Variants in ZNF587 observed in about 807,000 individuals in gnomAD.
The protein encoded by ZNF587 is zinc finger protein zfp6.
In ZNF587, 8 loss-of-function variants were observed where a neutral mutation model predicts 7.5. The ratio of observed to expected loss-of-function variants is 1.06; its 90% CI spans 0.62 to 1.92. ZNF587 has a LOEUF of 1.92. ZNF587 is among the 40% of genes most tolerant of loss of function. ZNF587 has a pLI of 0.00. For missense variants in ZNF587, 468 were observed against 692.8 expected (o/e 0.68, Z 3.64); for synonymous variants, 145 against 237.8 (o/e 0.61, Z 3.59).
At chr19:57,850,453 G>A (rs1257770808) in intron 1 of ZNF587, 8 of 502,476 alleles carry the variant, frequency 1.6e-5, no homozygotes, top group East Asian at 9.4e-5. Flanking sequence ...GATTCATAGG[G>A]GGTTAAAGTG....
At chr19:57,851,171 T>G (rs2071276211) in intron 1 of ZNF587, 1 of 152,060 alleles carries the variant, frequency 6.6e-6, no homozygotes. Flanking sequence ...TCACATTAGG[T>G]TTTACAATAG....
intron 2 of ZNF587, chr19:57,858,251 C>T (rs993589777): frequency 3.1e-5 from 10 of 327,558 alleles, no homozygotes; most frequent in South Asian, 2.6e-4. Context: ...TTTAGCCTCC[C>T]GAGTAGCTGG....
intron 1 of ZNF587, among the ~76,000 whole-genome samples, chr19:57,855,520 G>A (rs1355256015): frequency 6.6e-6 from 1 of 151,798 alleles, no homozygotes; most frequent in East Asian, 1.9e-4. Context: ...TGGGCTTTAC[G>A]TGACCTTGGA....
Position 57,860,329 on chromosome 19 carries a change from T to A in ZNF587, c.*189T>A. ...TGTCACCCAGGCTGGAGTGCAGTGG[T>A]GCAGTCTTGGCTCGCTGCAACTTGG... On this transcript the variant is annotated 3_prime_UTR_variant, in exon 3 of 3. Transcript: ENST00000339656. 1 of 1,160,638 alleles carries A rather than the reference T, an allele frequency of 8.6e-7. No individual in the cohort carries two copies. Among genetic ancestry groups the A allele is most frequent in the South Asian group, 1.5e-5 (1 of 66,040 alleles). The allele number at this position is 1,160,638 out of a possible 1,614,324, so 71.9% of individuals were successfully genotyped here. A position where few individuals can be genotyped will look rare whatever the true frequency, so the allele number is the denominator to read the frequency against.
rs557161436 is a variant in ZNF587, at chr19:57,863,857, A to T, written c.*3717A>T. ...CAGGAGTTCAAGACCACCCTGGCCA[A>T]TATTGTGAATTCCTGTCTCTACTAA... On this transcript the variant is annotated 3_prime_UTR_variant, in exon 3 of 3. Transcript: ENST00000339656. 117 of 151,606 alleles carry T rather than the reference A, an allele frequency of 7.7e-4. 1 individual carries two copies. Among genetic ancestry groups the T allele is most frequent in the African/African-American group, 2.6e-3 (109 of 41,436 alleles). The allele number at this position is 151,606 out of a possible 1,614,324, so 9.4% of individuals were successfully genotyped here. A position where few individuals can be genotyped will look rare whatever the true frequency, so the allele number is the denominator to read the frequency against.
chr19:57,861,730 A>G lies in ZNF587; in HGVS notation c.*1590A>G, dbSNP rs557661689. On this transcript the variant is annotated 3_prime_UTR_variant, in exon 3 of 3. Coordinates refer to ENST00000339656, the MANE Select transcript of ZNF587 (RefSeq NM_032828.4). ...CAAAGACGTATGTTGGACTTCATTC[A>G]TTCTTCAGTGATGTCACTTTGCTGC... The G allele has an allele frequency of 6.8e-6, 1 of 147,340 alleles. No individual in the cohort carries two copies. Among genetic ancestry groups the G allele is most frequent in the Non-Finnish European group, 1.5e-5 (1 of 67,192 alleles). 9.1% of individuals were successfully genotyped at this position (147,340 alleles called of 1,614,324 possible).
Position 57,859,368 on chromosome 19 carries a change from C to G in ZNF587, c.956C>G (p.Thr319Ser), listed in dbSNP as rs139024391. 1,696 of 1,611,162 alleles carry G rather than the reference C, an allele frequency of 1.1e-3. 4 individuals carry two copies. The highest frequency in any genetic ancestry group is 1.1e-3 in the Non-Finnish European group (1,322 of 1,179,776). ...GSLISHQLVH[T>S]GEGPYECREC... ...CTTATTAGCCATCAGCTTGTTCACA[C>G]TGGAGAAGGGCCTTATGAGTGTAGA... Residue 319 changes from threonine to serine, a missense_variant, in exon 3 of 3, where the codon ACT becomes AGT. Around this residue, in one of 5 missense-constraint regions of ZNF587, gnomAD observed 310 missense variants for 325.6 expected, o/e 0.95. Transcript: ENST00000339656.
At chr19:57,855,951 G>T in intron 1 of ZNF587, 153 bp from the exon 2 acceptor site, 1 of 1,317,516 alleles carries the variant, frequency 7.6e-7, no homozygotes, top group Non-Finnish European at 1.0e-6. Flanking sequence ...TTGACCAGCA[G>T]GCCCATGAAG....
In ZNF587 at chr19:57,860,265, C is replaced by G. The variant is rs137950044; in HGVS notation, c.*125C>G. ...AAAACATCAGAATGTCTGCTGTCCT[C>G]GGTCTTAAGCGACTTCGTGTTGAGA... is the stretch of plus-strand genomic sequence containing the variant. On this transcript the variant is annotated 3_prime_UTR_variant, in exon 3 of 3. Transcript: ENST00000339656. 5,678 of 1,545,922 alleles carry G rather than the reference C, an allele frequency of 3.7e-3. 29 individuals are homozygous for G. The highest frequency in any genetic ancestry group is 3.9e-3 in the Non-Finnish European group (4,457 of 1,134,044).
chr19:57,853,089 G>A (rs1174185519), intron 1 of ZNF587, among the ~76,000 whole-genome samples: 1 of 152,064 alleles, frequency 6.6e-6, no homozygotes, highest in African/African-American at 2.4e-5. Context: ...CTGACCTCAG[G>A]AGATTCGCTG....
At chr19:57,851,801 A>G (rs888409126) in intron 1 of ZNF587, 3 of 152,318 alleles carry the variant, frequency 2.0e-5, no homozygotes, top group African/African-American at 7.2e-5. Context: ...TCAAAGGAAG[A>G]ACATCATAGA....
rs145911124 is a variant in ZNF587, at chr19:57,859,930, G to C, written c.1518G>C (p.Ala506=). The C allele has an allele frequency of 1.2e-6, 2 of 1,613,592 alleles. No individual in the cohort carries two copies. Among genetic ancestry groups the C allele is most frequent in the African/African-American group, 2.7e-5 (2 of 74,706 alleles). Residue 506 remains alanine (A), a synonymous_variant, in exon 3 of 3, where the codon GCG becomes GCC. Coordinates refer to ENST00000339656, the MANE Select transcript of ZNF587 (RefSeq NM_032828.4). ...ECGKSFLSSS[A]LHVHKRVHSG... is the part of the protein sequence containing the mutation. ...GGAAATCATTTCTTTCCAGCTCTGC[G>C]CTTCATGTTCATAAAAGAGTTCATT...
chr19:57,850,184 A>G, intron 1 of ZNF587, 113 bp downstream of exon 1: 1 of 1,595,442 alleles, frequency 6.3e-7, no homozygotes, highest in Non-Finnish European at 8.6e-7. Flanking sequence ...GCGTAGGAAC[A>G]CTGAGGCGCT....
chr19:57,860,259 T>G lies in ZNF587; in HGVS notation c.*119T>G. ...ATGTGGAAAACATCAGAATGTCTGC[T>G]GTCCTCGGTCTTAAGCGACTTCGTG... On this transcript the variant is annotated 3_prime_UTR_variant, in exon 3 of 3. Transcript: ENST00000339656. The G allele has an allele frequency of 5.1e-6, 8 of 1,576,912 alleles. No individual in the cohort carries two copies. Among genetic ancestry groups the G allele is most frequent in the Non-Finnish European group, 6.9e-6 (8 of 1,154,970 alleles).
rs1191887626 is a variant in ZNF587 at position 57,863,046 on chromosome 19, G to T, written c.*2906G>T. 1 of 152,868 alleles carries T rather than the reference G, an allele frequency of 6.5e-6. No individual in the cohort carries two copies. The highest frequency in any genetic ancestry group is 1.5e-5 in the Non-Finnish European group (1 of 68,244). 9.5% of individuals were successfully genotyped at this position (152,868 alleles called of 1,614,324 possible). On this transcript the variant is annotated 3_prime_UTR_variant, in exon 3 of 3. Transcript: ENST00000339656. ...CGGCTCACTGCAACTCCACCTCCCG[G>T]GTTCACGCCATTCTCTTGCCTCAGC...
At chr19:57,853,110 C>T (rs2071303356) in intron 1 of ZNF587, among the ~76,000 whole-genome samples, 1 of 152,116 alleles carries the variant, frequency 6.6e-6, no homozygotes, top group Non-Finnish European at 1.5e-5. Flanking sequence ...GCCTCTGCCT[C>T]CCCAAGTGCT....
In ZNF587 at chr19:57,849,935, T is replaced by A; in HGVS notation, c.-104T>A. On this transcript the variant is annotated 5_prime_UTR_variant, in exon 1 of 3. Coordinates refer to ENST00000339656, the MANE Select transcript of ZNF587 (RefSeq NM_032828.4). The stretch of plus-strand genomic sequence containing the variant: ...GAGTGCTGGGTGGGACCGCGGTGAC[T>A]GAACCTAGAAGGTGGAGAGGAATCG... 6.2e-6 allele frequency: 10 copies of A among 1,605,820 alleles called. 1 individual carries two copies. In the South Asian group the frequency reaches 1.1e-4, roughly 18 times the overall value.
rs1181836928 is a variant in ZNF587 at position 57,860,283 on chromosome 19, T to G, written c.*143T>G. 6.7e-7 allele frequency: 1 copy of G among 1,490,070 alleles called. No homozygotes were observed. Among genetic ancestry groups the G allele is most frequent in the Non-Finnish European group, 9.2e-7 (1 of 1,090,434 alleles). The allele number at this position is 1,490,070 out of a possible 1,614,324, so 92.3% of individuals were successfully genotyped here. ...CTGTCCTCGGTCTTAAGCGACTTCGTGTTGAGATGGAGTCTTGTTCTGTCA... is the reference window on the plus strand; with the variant it reads ...CTGTCCTCGGTCTTAAGCGACTTCGGGTTGAGATGGAGTCTTGTTCTGTCA... On this transcript the variant is annotated 3_prime_UTR_variant, in exon 3 of 3. Coordinates refer to ENST00000339656, the MANE Select transcript of ZNF587 (RefSeq NM_032828.4).
rs1232638053 is a variant in ZNF587 at position 57,865,060 on chromosome 19, A to AGTTAATCTTCCTGCTT, written c.*4923_*4938dup. 2 of 152,216 alleles carry AGTTAATCTTCCTGCTT rather than the reference A, an allele frequency of 1.3e-5. No individual in the cohort carries two copies. The highest frequency in any genetic ancestry group is 2.9e-5 in the Non-Finnish European group (2 of 68,048). 9.4% of individuals were successfully genotyped at this position (152,216 alleles called of 1,614,324 possible). On this transcript the variant is annotated 3_prime_UTR_variant, in exon 3 of 3. Transcript: ENST00000339656. ...ACAACTTTTGTTAATTCTCTTATGA[A>AGTTAATCTTCCTGCTT]GTTAATCTTCCTGCTTGTATGTGAA...
Sources: gnomAD v4.1 joint callset for allele counts (sites outside exome capture counted in the v4.1 genomes callset) on GRCh38, gnomAD v4.1.1 for gene constraint, gnomAD v4.1.1 regional missense constraint, MANE v1.5 for transcripts, NCBI Gene and HGNC (gene_info 2026-07-23, HGNC 2026-07-21) for gene names.